Variants in RNF38 observed in about 807,000 individuals in gnomAD.
RNF38 encodes E3 ubiquitin-protein ligase RNF38.
Under a neutral mutation model 67.2 loss-of-function variants are expected in RNF38, and 15 were observed. The observed-to-expected ratio is 0.22, with a 90% CI of 0.15 to 0.34. The LOEUF (loss-of-function observed/expected upper bound fraction) is 0.34, where lower values mean the gene tolerates loss of function less well. Among genes scored for constraint, RNF38 ranks in the 10% least tolerant of loss-of-function variants. RNF38 has a pLI of 1.00. For missense variants in RNF38, 524 were observed against 639.9 expected (o/e 0.82, Z 1.95); for synonymous variants, 220 against 218.8 (o/e 1.01, Z -0.05).
At chr9:36,349,900 G>A (rs1172882885) in intron 9 of RNF38, among the ~76,000 whole-genome samples, 1 of 152,046 alleles carries the variant, frequency 6.6e-6, no homozygotes, top group Non-Finnish European at 1.5e-5. Context: ...ACTCAGCCCG[G>A]AGTACAATGG....
At chr9:36,473,918 G>A (rs868356576) in intron 1 of RNF38, among the ~76,000 whole-genome samples, 5 of 150,632 alleles carry the variant, frequency 3.3e-5, no homozygotes, top group Non-Finnish European at 5.9e-5. Context: ...CCTGGGAGGC[G>A]GACGTTGCAG....
At chr9:36,409,245 A>AGAAGGAAG (rs72057765) in intron 2 of RNF38, among the ~76,000 whole-genome samples, 11 of 148,292 alleles carry the variant, frequency 7.4e-5, no homozygotes, top group Admixed American at 5.5e-4. Context: ...ATGGAAGGAA[A>AGAAGGAAG]GAAGGAAGGA....
At chr9:36,393,846 T>C (rs974431118) in intron 1 of RNF38, among the ~76,000 whole-genome samples, 4 of 152,136 alleles carry the variant, frequency 2.6e-5, no homozygotes, top group East Asian at 1.9e-4. Context: ...AAAGGTACCA[T>C]GTGGCAGGGG....
intron 1 of RNF38, among the ~76,000 whole-genome samples, chr9:36,471,021 A>C (rs934511641): frequency 3.9e-5 from 6 of 152,144 alleles, no homozygotes; most frequent in African/African-American, 1.2e-4. Flanking sequence ...CTACGTACAT[A>C]TTTATGCCTA....
At chr9:36,457,836 C>T (rs1452237312) in intron 1 of RNF38, among the ~76,000 whole-genome samples, 1 of 151,796 alleles carries the variant, frequency 6.6e-6, no homozygotes, top group Non-Finnish European at 1.5e-5. Flanking sequence ...GAGGGAGACT[C>T]CGTCTCCAAA....
chr9:36,401,751 C>A (rs1428198667), upstream of RNF38, among the ~76,000 whole-genome samples: 2 of 152,176 alleles, frequency 1.3e-5, no homozygotes, highest in Non-Finnish European at 2.9e-5. Context: ...AAGAGGACAT[C>A]ATGGAAGGGG....
intron 3 of RNF38, among the ~76,000 whole-genome samples, chr9:36,375,314 AG>A (rs1835708087): frequency 6.6e-6 from 1 of 152,118 alleles, no homozygotes; most frequent in South Asian, 2.1e-4. Flanking sequence ...CTCCTGTCTC[AG>A]TTTCATCTTG....
rs754725956 is a variant in RNF38, at chr9:36,369,900, T to A, written c.389A>T (p.Asp130Val). Residue 130 changes from aspartate to valine, a missense_variant, in exon 4 of 12, where the codon GAT (aspartate) becomes GTT (valine). By Grantham distance (152) the Asp-to-Val change is radical (BLOSUM62 -3). This residue lies in a region of RNF38 where 461 missense variants were observed against 517.4 expected (regional missense o/e 0.89). Transcript: ENST00000259605. ...AATGGAATTATGTCGAGACAGACGA[T>A]CCCTTCTTCCTCTCTGGCGCCTGAC... ...PPVRRQRGRRDRLSRHNSISQ... is the reference protein window; with the variant it reads ...PPVRRQRGRRVRLSRHNSISQ... 1.9e-6 allele frequency: 3 copies of A among 1,613,204 alleles called. No homozygotes were observed. The highest frequency in any genetic ancestry group is 3.3e-5 in the Admixed American group (2 of 60,016).
intron 2 of RNF38, among the ~76,000 whole-genome samples, chr9:36,416,011 T>G (rs1838456672): frequency 1.3e-5 from 2 of 151,888 alleles, no homozygotes; most frequent in Non-Finnish European, 2.9e-5. Flanking sequence ...AAGTTTGCCC[T>G]AAGGTCACTT....
intron 1 of RNF38, among the ~76,000 whole-genome samples, chr9:36,430,836 T>C (rs1838914102): frequency 6.6e-6 from 1 of 151,456 alleles, no homozygotes. Context: ...AATCTGGCCC[T>C]AATGAGGATT....
intron 1 of RNF38, among the ~76,000 whole-genome samples, chr9:36,447,463 A>G (rs1286271082): frequency 6.6e-6 from 1 of 152,188 alleles, no homozygotes; most frequent in Non-Finnish European, 1.5e-5. Context: ...TTTCTAACTA[A>G]AATTCTGCTA....
intron 1 of RNF38, among the ~76,000 whole-genome samples, chr9:36,399,364 G>T (rs1359326616): frequency 3.3e-5 from 5 of 151,930 alleles, no homozygotes; most frequent in Non-Finnish European, 5.9e-5. Flanking sequence ...AACTATAGGC[G>T]CTAAGGCCTT....
chr9:36,434,543 G>A (rs929894017), intron 1 of RNF38, among the ~76,000 whole-genome samples: 4 of 152,076 alleles, frequency 2.6e-5, no homozygotes, highest in Admixed American at 2.0e-4. Flanking sequence ...GCGCCACCAG[G>A]CATGCCTGGC....
chr9:36,416,309 G>A (rs1838467724), intron 2 of RNF38, among the ~76,000 whole-genome samples: 1 of 152,014 alleles, frequency 6.6e-6, no homozygotes, highest in Admixed American at 6.6e-5. Context: ...TCACCAGGGA[G>A]TTGGGGGCAA....
In RNF38 at chr9:36,339,116, C is replaced by T. The variant is rs914901359; in HGVS notation, c.*636G>A. On this transcript the variant is annotated 3_prime_UTR_variant, in exon 12 of 12. Transcript: ENST00000259605. ...TCAATGCTTGTAATTGATGCACCCT[C>T]AGCAATCAGTGTGCAACAGCAAACA... 3.3e-5 allele frequency: 5 copies of T among 152,576 alleles called. No individual in the cohort carries two copies. Among genetic ancestry groups the T allele is most frequent in the African/African-American group, 1.2e-4 (5 of 41,408 alleles). 9.5% of individuals were successfully genotyped at this position (152,576 alleles called of 1,614,324 possible). A position where few individuals can be genotyped will look rare whatever the true frequency, so the allele number is the denominator to read the frequency against.
chr9:36,336,602 A>G lies in RNF38; in HGVS notation c.*3150T>C, dbSNP rs1832458231. On this transcript the variant is annotated 3_prime_UTR_variant, in exon 12 of 12. Transcript: ENST00000259605. ...ATTTATAATACATACATTTAAAACT[A>G]TATGTTAACTGATACAATGGAATAT... 2 of 152,650 alleles carry G rather than the reference A, an allele frequency of 1.3e-5. No homozygotes were observed. The highest frequency in any genetic ancestry group is 1.5e-5 in the Non-Finnish European group (1 of 68,042). 9.5% of individuals were successfully genotyped at this position (152,650 alleles called of 1,614,324 possible).
At chr9:36,368,901 C>A (rs573615532) in intron 4 of RNF38, among the ~76,000 whole-genome samples, 27 of 151,192 alleles carry the variant, frequency 1.8e-4, no homozygotes, top group Non-Finnish European at 2.8e-4. Flanking sequence ...TTTTTTTGAC[C>A]TCAGAAACTC....
chr9:36,385,008 T>C (rs1394430875), intron 2 of RNF38, among the ~76,000 whole-genome samples: 2 of 152,204 alleles, frequency 1.3e-5, no homozygotes, highest in Non-Finnish European at 2.9e-5. Flanking sequence ...ATCGAGCTGA[T>C]CCTCTTACAA....
intron 11 of RNF38, among the ~76,000 whole-genome samples, chr9:36,341,039 G>C (rs567050630): frequency 2.8e-4 from 42 of 151,962 alleles, no homozygotes; most frequent in African/African-American, 1.0e-3. Flanking sequence ...TCTTTTATTA[G>C]AACAGTGGCC....
Sources: allele counts gnomAD v4.1 joint callset (sites outside exome capture counted in the v4.1 genomes callset), GRCh38; gene constraint gnomAD v4.1.1; regional missense constraint gnomAD v4.1.1; transcripts MANE v1.5; gene names NCBI Gene and HGNC (gene_info 2026-07-23, HGNC 2026-07-21).